SLC4A5: variants seen among roughly 807,000 people sequenced by gnomAD.
SLC4A5 encodes solute carrier family 4 member 5.
In SLC4A5, 96 loss-of-function variants were observed where a neutral mutation model predicts 120.4. The ratio of observed to expected loss-of-function variants is 0.80; its 90% confidence interval spans 0.68 to 0.94. The LOEUF (loss-of-function observed/expected upper bound fraction) is 0.94, where lower values mean the gene tolerates loss of function less well. Ranked by LOEUF, SLC4A5 falls within the 40% of genes least tolerant of loss-of-function variation. The probability of loss-of-function intolerance (pLI) is 0.00; values close to 1 mark genes in which losing one functional copy is unlikely to be tolerated. For synonymous variants in SLC4A5, 550 were observed against 571.1 expected (o/e 0.96, Z 0.53); for missense variants, 1,259 against 1,459.5 (o/e 0.86, Z 2.24).
intron 3 of SLC4A5, among the ~76,000 whole-genome samples, chr2:74,338,024 T>G (rs1673537448): frequency 6.6e-6 from 1 of 151,874 alleles, no homozygotes; most frequent in East Asian, 1.9e-4. Context: ...CTCAGCTGGA[T>G]GGGAAAGGAA....
chr2:74,226,872 G>C (rs1190663529), intron 27 of SLC4A5, 85 bp downstream of exon 27: 1 of 1,470,318 alleles, frequency 6.8e-7, no homozygotes, highest in Non-Finnish European at 9.3e-7. Flanking sequence ...AAGGCAGAAG[G>C]TGGCAGGAGG....
intron 25 of SLC4A5, among the ~76,000 whole-genome samples, chr2:74,230,364 C>T (rs1670031194): frequency 6.6e-6 from 1 of 152,118 alleles, no homozygotes; most frequent in Admixed American, 6.6e-5. Flanking sequence ...ACGCCTGCCT[C>T]CATTGTACCC....
intron 6 of SLC4A5, among the ~76,000 whole-genome samples, chr2:74,309,656 ATTTT>A (rs201372695): frequency 2.1e-5 from 3 of 141,706 alleles, no homozygotes; most frequent in South Asian, 4.5e-4. Context: ...TGAACATGAA[ATTTT>A]TTTTTTTTTT....
intron 6 of SLC4A5, chr2:74,308,072 A>G (rs955028168): frequency 2.1e-5 from 10 of 476,840 alleles, no homozygotes; most frequent in African/African-American, 1.4e-4. Context: ...ATTTCTTTCT[A>G]TCTCTGAACA....
At chr2:74,278,125 T>C (rs1671702384) in intron 8 of SLC4A5, among the ~76,000 whole-genome samples, 1 of 152,292 alleles carries the variant, frequency 6.6e-6, no homozygotes, top group South Asian at 2.1e-4. Flanking sequence ...GGTGGTCTGA[T>C]GGTGGGGTTA....
At chr2:74,233,447 C>T (rs1558869209) in exon 23 of SLC4A5, 1 of 1,614,262 alleles carries the variant, frequency 6.2e-7, no homozygotes. Flanking sequence ...CAGTGATCTG[C>T]TGGTCCATGA....
At chr2:74,263,654 C>A (rs1488491108) in intron 10 of SLC4A5, among the ~76,000 whole-genome samples, 3 of 152,192 alleles carry the variant, frequency 2.0e-5, no homozygotes, top group African/African-American at 7.2e-5. Flanking sequence ...AAGCCCAGCC[C>A]CTTCTACCAC....
At chr2:74,299,077 G>T (rs56208502) in intron 7 of SLC4A5, among the ~76,000 whole-genome samples, 1 of 152,118 alleles carries the variant, frequency 6.6e-6, no homozygotes, top group Non-Finnish European at 1.5e-5. Flanking sequence ...CTCGCCAGGC[G>T]CAGTGGCTCA....
At chr2:74,262,363 C>CA in intron 10 of SLC4A5, 131 bp from the exon 11 acceptor site, 2 of 336,576 alleles carry the variant, frequency 5.9e-6, no homozygotes, top group Non-Finnish European at 1.1e-5. Flanking sequence ...GGAAGAAATT[C>CA]TTTTTTTTTT....
At chr2:74,250,438 G>C in exon 17 of SLC4A5, 1 of 1,614,238 alleles carries the variant, frequency 6.2e-7, no homozygotes. Flanking sequence ...GAGATGGACT[G>C]AATGTGGAAG....
Position 74,235,687 on chromosome 2 carries a change from G to T in SLC4A5, c.2320-473C>A, listed in dbSNP as rs140881895. On this transcript the variant is annotated intron_variant, in intron 21 of 30. Coordinates refer to ENST00000394019, the Ensembl canonical transcript of SLC4A5. Reference sequence around the variant, plus strand: ...GTACCCCACCTGGGCTAGGAGGGAGGCTCCCCAATTCCACTGGGGATCATT... The same window carrying T: ...GTACCCCACCTGGGCTAGGAGGGAGTCTCCCCAATTCCACTGGGGATCATT... 9.5e-4 allele frequency among the ~76,000 whole-genome samples: 145 copies of T among 152,210 alleles called. 1 individual carries two copies. The highest frequency in any genetic ancestry group is 3.3e-3 in the African/African-American group (138 of 41,536).
At chr2:74,291,538 A>G (rs1200114950) in intron 7 of SLC4A5, among the ~76,000 whole-genome samples, 3 of 152,182 alleles carry the variant, frequency 2.0e-5, no homozygotes, top group Non-Finnish European at 4.4e-5. Flanking sequence ...CCTGGGGGAG[A>G]ACAGACATCT....
chr2:74,259,453 C>T (rs1225479792), intron 12 of SLC4A5, 135 bp downstream of exon 12: 4 of 1,017,624 alleles, frequency 3.9e-6, no homozygotes, highest in Non-Finnish European at 6.1e-6. Context: ...CCCAGAGTCC[C>T]CACTGGGGAT....
chr2:74,333,127 G>A (rs1199165464), intron 4 of SLC4A5, among the ~76,000 whole-genome samples: 2 of 152,158 alleles, frequency 1.3e-5, no homozygotes, highest in Non-Finnish European at 2.9e-5. Flanking sequence ...GATCTATTTT[G>A]GTTATACTGG....
chr2:74,227,721 G>A, intron 26 of SLC4A5, 89 bp downstream of exon 26: 1 of 1,288,158 alleles, frequency 7.8e-7, no homozygotes, highest in Non-Finnish European at 1.1e-6. Flanking sequence ...GGGACAATTG[G>A]GACAACTGAA....
intron 8 of SLC4A5, among the ~76,000 whole-genome samples, chr2:74,278,244 A>G (rs969862212): frequency 6.6e-6 from 1 of 152,136 alleles, no homozygotes; most frequent in Non-Finnish European, 1.5e-5. Flanking sequence ...GCTGCCAGCC[A>G]GTTGTGCCCT....
chr2:74,322,398 AAAAC>A (rs1558914051), intron 5 of SLC4A5, among the ~76,000 whole-genome samples: 2 of 152,302 alleles, frequency 1.3e-5, no homozygotes, highest in African/African-American at 2.4e-5. Flanking sequence ...ATAAAACTTT[AAAAC>A]AAACAAAACA....
chr2:74,245,273 C>T (rs1670574936), intron 19 of SLC4A5, among the ~76,000 whole-genome samples: 2 of 152,088 alleles, frequency 1.3e-5, no homozygotes, highest in South Asian at 4.1e-4. Flanking sequence ...GAGCCGAGAT[C>T]GCGCCATTGC....
rs1670928449 is a variant in SLC4A5, at chr2:74,255,341, G to A, written c.1025+434C>T. Among the ~76,000 whole-genome samples the A allele has an allele frequency of 6.6e-6, 1 of 152,050 alleles. No homozygotes were observed. The highest frequency in any genetic ancestry group is 6.5e-5 in the Admixed American group (1 of 15,276). ...GCAGTCTTGCTCTGTTGCCCAGGCT[G>A]GGGTGCAATAGCATGATCTCGGCTC... is the stretch of plus-strand genomic sequence containing the variant. On this transcript the variant is annotated intron_variant, in intron 13 of 30. Coordinates refer to ENST00000394019, the Ensembl canonical transcript of SLC4A5. This position sits in a 1 kb window ranked among gnomAD's most constrained non-coding sequence, Gnocchi z 4.0.
Sources: allele counts gnomAD v4.1 joint callset (sites outside exome capture counted in the v4.1 genomes callset), GRCh38; gene constraint gnomAD v4.1.1; non-coding constraint Gnocchi (gnomAD v3.1); transcripts MANE v1.5; gene names NCBI Gene and HGNC (gene_info 2026-07-23, HGNC 2026-07-21).